Variants in KLHL1 observed in about 807,000 individuals in gnomAD.
The protein encoded by KLHL1 is kelch like family member 1.
Under a neutral mutation model 77.7 loss-of-function variants are expected in KLHL1, and 47 were observed. The ratio of observed to expected loss-of-function variants is 0.60; its 90% confidence interval spans 0.48 to 0.77. The LOEUF is 0.77. KLHL1 is among the 30% of genes least tolerant of loss of function. KLHL1 has a pLI of 0.00. For synonymous variants in KLHL1, 360 were observed against 325.2 expected (o/e 1.11, Z -1.15); for missense variants, 925 against 910.8 (o/e 1.02, Z -0.20).
In KLHL1 at chr13:69,771,301, T is replaced by C. The variant is rs1875554731; in HGVS notation, c.1639+25437A>G. On this transcript the variant is annotated intron_variant, in intron 7 of 10. Coordinates refer to ENST00000377844, the MANE Select transcript of KLHL1 (RefSeq NM_020866.3). ...CAAAAAAAAAAAAAAAACATGCTCTTCTTCTTTGGCATCTTATAATAATGG... is the reference window on the plus strand; with the variant it reads ...CAAAAAAAAAAAAAAAACATGCTCTCCTTCTTTGGCATCTTATAATAATGG... Among the ~76,000 whole-genome samples the C allele has an allele frequency of 3.3e-5, 5 of 151,698 alleles. No individual in the cohort carries two copies. In the South Asian group the frequency reaches 1.0e-3, roughly 31 times the overall value.
chr13:70,040,734 G>T (rs1886359220), intron 1 of KLHL1, among the ~76,000 whole-genome samples: 1 of 152,114 alleles, frequency 6.6e-6, no homozygotes, highest in South Asian at 2.1e-4. Flanking sequence ...CCTTGAATTT[G>T]TGGGTATAAT....
At chr13:69,869,948 T>C (rs1413583481) in intron 5 of KLHL1, among the ~76,000 whole-genome samples, 2 of 152,230 alleles carry the variant, frequency 1.3e-5, no homozygotes, top group Admixed American at 6.6e-5. Flanking sequence ...ATACAAGAGA[T>C]AATTTATTTG....
intron 10 of KLHL1, among the ~76,000 whole-genome samples, chr13:69,703,233 C>T (rs986958436): frequency 1.1e-4 from 16 of 151,528 alleles, no homozygotes; most frequent in African/African-American, 3.4e-4. Context: ...AATGTCATAG[C>T]CCTCTTAACA....
intron 6 of KLHL1, among the ~76,000 whole-genome samples, chr13:69,824,590 T>C (rs1212356280): frequency 2.0e-5 from 3 of 152,126 alleles, no homozygotes; most frequent in Non-Finnish European, 1.5e-5. Context: ...GATAGGGATA[T>C]GCACAACATA....
intron 1 of KLHL1, among the ~76,000 whole-genome samples, chr13:70,079,364 G>T (rs1887339178): frequency 6.6e-6 from 1 of 152,150 alleles, no homozygotes; most frequent in Admixed American, 6.5e-5. Flanking sequence ...TCTCCTGTAT[G>T]CCGACGTTTG....
intron 4 of KLHL1, among the ~76,000 whole-genome samples, chr13:69,910,602 C>A (rs181078828): frequency 2.1e-4 from 32 of 152,048 alleles, no homozygotes; most frequent in African/African-American, 7.7e-4. Context: ...CAAACATAGA[C>A]TGAGAAATTA....
chr13:70,031,319 T>C (rs929672474), intron 1 of KLHL1, among the ~76,000 whole-genome samples: 1 of 152,130 alleles, frequency 6.6e-6, no homozygotes, highest in African/African-American at 2.4e-5. Context: ...ACACAGAATC[T>C]GAAGATACAT....
At chr13:69,833,282 A>G (rs1878836440) in intron 6 of KLHL1, among the ~76,000 whole-genome samples, 1 of 152,146 alleles carries the variant, frequency 6.6e-6, no homozygotes, top group Non-Finnish European at 1.5e-5. Flanking sequence ...AATCCCATCA[A>G]AAAGTGGGCT....
chr13:70,086,590 A>AAAAAAGAAAG (rs1403142406), intron 1 of KLHL1, among the ~76,000 whole-genome samples: 13 of 85,786 alleles, frequency 1.5e-4, no homozygotes, highest in African/African-American at 6.2e-4. Flanking sequence ...AAAAAAAAAA[A>AAAAAAGAAAG]AAAGAAAGAA....
chr13:70,039,975 C>A (rs1886337003), intron 1 of KLHL1, among the ~76,000 whole-genome samples: 1 of 151,936 alleles, frequency 6.6e-6, no homozygotes, highest in African/African-American at 2.4e-5. Context: ...CAGTGTAAAT[C>A]TTTCTGTAAC....
intron 10 of KLHL1, among the ~76,000 whole-genome samples, chr13:69,705,518 T>G (rs1337667498): frequency 1.3e-5 from 2 of 151,762 alleles, no homozygotes; most frequent in East Asian, 3.9e-4. Context: ...TTACAGGACA[T>G]ATGGAGTGAA....
At chr13:70,080,994 C>CA (rs1338073336) in intron 1 of KLHL1, among the ~76,000 whole-genome samples, 3 of 152,124 alleles carry the variant, frequency 2.0e-5, no homozygotes, top group East Asian at 3.9e-4. Flanking sequence ...CTTCTCTTCC[C>CA]AAAAAACATT....
At chr13:69,795,499 A>C (rs1877064003) in intron 7 of KLHL1, among the ~76,000 whole-genome samples, 1 of 152,252 alleles carries the variant, frequency 6.6e-6, no homozygotes, top group African/African-American at 2.4e-5. Context: ...TTTAAAAGAA[A>C]GTAATTTGTA....
chr13:70,094,393 TTA>T (rs369471818), intron 1 of KLHL1, among the ~76,000 whole-genome samples: 60 of 137,088 alleles, frequency 4.4e-4, no homozygotes, highest in South Asian at 1.1e-3. Context: ...GCAATCATCT[TTA>T]TATATATATA....
chr13:70,061,832 A>G (rs1054015331), intron 1 of KLHL1, among the ~76,000 whole-genome samples: 1 of 152,090 alleles, frequency 6.6e-6, no homozygotes, highest in African/African-American at 2.4e-5. Context: ...TAATCATTGT[A>G]CATATTTATT....
chr13:70,027,257 C>T (rs1885972400), intron 1 of KLHL1, among the ~76,000 whole-genome samples: 1 of 152,028 alleles, frequency 6.6e-6, no homozygotes, highest in African/African-American at 2.4e-5. Context: ...TTCCTGAGCA[C>T]TGATCTGGAA....
chr13:70,007,444 C>CAA (rs10639117), intron 1 of KLHL1, among the ~76,000 whole-genome samples: 13,990 of 142,050 alleles, frequency 0.098, 693 homozygotes, highest in Non-Finnish European at 0.11. Flanking sequence ...TATTTCATCT[C>CAA]AAAAAAAAAA....
intron 6 of KLHL1, among the ~76,000 whole-genome samples, chr13:69,819,121 C>T (rs1253835559): frequency 6.6e-6 from 1 of 152,070 alleles, no homozygotes; most frequent in Non-Finnish European, 1.5e-5. Context: ...TGTAGCTTGT[C>T]CAGTTCAAGC....
intron 4 of KLHL1, among the ~76,000 whole-genome samples, chr13:69,936,010 T>C (rs547934385): frequency 2.8e-5 from 4 of 140,740 alleles, no homozygotes; most frequent in Non-Finnish European, 6.1e-5. Flanking sequence ...AGAAAGTTTA[T>C]GATATCACAC....
Sources: gnomAD v4.1 joint callset for allele counts (sites outside exome capture counted in the v4.1 genomes callset) on GRCh38, gnomAD v4.1.1 for gene constraint, MANE v1.5 for transcripts, NCBI Gene and HGNC (gene_info 2026-07-23, HGNC 2026-07-21) for gene names.